Variants in VWF observed in about 807,000 individuals in gnomAD.
VWF encodes Factor VIII related antigen.
In VWF, 176 loss-of-function variants were observed where a neutral mutation model predicts 308.6. That is an observed-to-expected ratio of 0.57 (90% confidence interval 0.50 to 0.65). The LOEUF (loss-of-function observed/expected upper bound fraction) is 0.65, where lower values mean the gene tolerates loss of function less well. VWF is among the 30% of genes least tolerant of loss of function. VWF has a pLI of 0.00. For synonymous variants in VWF, 1,385 were observed against 1,443.4 expected (o/e 0.96, Z 0.92); for missense variants, 3,146 against 3,648.2 (o/e 0.86, Z 3.55).
At chr12:6,101,624 A>C (rs1034918648) in intron 5 of VWF, among the ~76,000 whole-genome samples, 4 of 151,988 alleles carry the variant, frequency 2.6e-5, no homozygotes, top group Admixed American at 2.6e-4. Context: ...AAAATACAAA[A>C]AATTAGCCAG....
intron 4 of VWF, 136 bp from the exon 5 acceptor site, chr12:6,110,718 G>A (rs928760694): frequency 1.0e-5 from 13 of 1,281,418 alleles, no homozygotes; most frequent in South Asian, 6.0e-5. Flanking sequence ...ATCAGCAATC[G>A]GGAGAGCTGG....
chr12:5,954,865 T>C (rs1475953767), intron 47 of VWF, among the ~76,000 whole-genome samples: 1 of 152,142 alleles, frequency 6.6e-6, no homozygotes, highest in Non-Finnish European at 1.5e-5. Context: ...CTACTGGAAC[T>C]TCATAAGGGA....
chr12:6,022,810 C>G lies in VWF; in HGVS notation c.3468G>C (p.Thr1156=), dbSNP rs886395597. 1 of 537,742 alleles carries G rather than the reference C, an allele frequency of 1.9e-6. No individual in the cohort carries two copies. The highest frequency in any genetic ancestry group is 2.8e-5 in the African/African-American group (1 of 35,622). 33.3% of individuals were successfully genotyped at this position (537,742 alleles called of 1,614,324 possible). The part of the protein sequence containing the change: ...YNSCAPACQV[T]CQHPEPLACP... Reference sequence around the variant, plus strand: ...AGGCCAGTGGCTCAGGGTGCTGACACGTGACTTGACAGGCAGGTGCACAGC... The same window carrying G: ...AGGCCAGTGGCTCAGGGTGCTGACAGGTGACTTGACAGGCAGGTGCACAGC... Residue 1156 remains threonine (T), a synonymous_variant, in exon 26 of 52, where the codon ACG becomes ACC. Transcript: ENST00000261405.
intron 20 of VWF, among the ~76,000 whole-genome samples, chr12:6,034,104 T>C (rs1944305002): frequency 6.6e-6 from 1 of 152,172 alleles, no homozygotes; most frequent in South Asian, 2.1e-4. Context: ...GCAGGATGAC[T>C]TTCCTGTGTC....
chr12:6,021,976 C>T lies in VWF; in HGVS notation c.3598G>A (p.Glu1200Lys), dbSNP rs1274965501. The T allele has an allele frequency of 2.5e-6, 4 of 1,614,098 alleles. No homozygotes were observed. The highest frequency in any genetic ancestry group is 2.5e-6 in the Non-Finnish European group (3 of 1,180,052). ...CVDPEDCPVC[E>K]VAGRRFASGK... ...GAGGCAAAACGCCGGCCAGCCACCT[C>T]ACACACTGGACAGTCTTCAGGGTCA... is the stretch of plus-strand genomic sequence containing the variant. The change falls in exon 27 of 52, where the codon GAG (glutamate) becomes AAG (lysine). Residue 1200 changes from glutamate (E) to lysine (K), a missense_variant. Transcript: ENST00000261405.
chr12:6,109,426 G>A (rs2136520693), intron 5 of VWF, among the ~76,000 whole-genome samples: 1 of 152,208 alleles, frequency 6.6e-6, no homozygotes, highest in East Asian at 1.9e-4. Flanking sequence ...TAAAATCAGT[G>A]CTGGAGAAAA....
chr12:5,966,733 A>T (rs553968443), intron 47 of VWF, among the ~76,000 whole-genome samples: 1 of 152,280 alleles, frequency 6.6e-6, no homozygotes, highest in East Asian at 1.9e-4. Context: ...TAGTTCATGC[A>T]TCTAGCTCAC....
chr12:6,121,730 AGACCAGCCTGCCCAACATG>A lies in VWF; in HGVS notation c.56-411_56-393del, dbSNP rs551486930. ...CAGATCACCTGAGGTCAGGAATTCA[AGACCAGCCTGCCCAACATG>A]GCGAAACCCTGTCTCTACTAAAAAT... On this transcript the variant is annotated intron_variant, in intron 2 of 51. Transcript: ENST00000261405. 7.1e-3 allele frequency among the ~76,000 whole-genome samples: 1,086 copies of A among 152,284 alleles called. 15 individuals carry two copies. Among genetic ancestry groups the A allele is most frequent in the African/African-American group, 0.024 (1,007 of 41,554 alleles).
intron 44 of VWF, among the ~76,000 whole-genome samples, chr12:5,970,886 C>A (rs1416829165): frequency 6.6e-6 from 1 of 152,248 alleles, no homozygotes; most frequent in African/African-American, 2.4e-5. Flanking sequence ...TCTGACCAGA[C>A]TGAAAGAACT....
intron 35 of VWF, 134 bp downstream of exon 35, chr12:5,995,867 GT>G: frequency 1.2e-6 from 1 of 802,854 alleles, no homozygotes; most frequent in African/African-American, 1.7e-5. Context: ...TAAGAAAGTG[GT>G]ACTCCTCTCC....
rs1300880638 is a variant in VWF, at chr12:5,980,150, GGAGGGAGT to G, written c.7287+1628_7287+1635del. Among the ~76,000 whole-genome samples, 387 of 78,156 alleles carry G rather than the reference GGAGGGAGT, an allele frequency of 5.0e-3. 7 individuals carry two copies. Among genetic ancestry groups the G allele is most frequent in the African/African-American group, 0.016 (333 of 21,392 alleles). The allele number at this position is 78,156 out of a possible 152,430, so 51.3% of individuals were successfully genotyped here. A position where few individuals can be genotyped will look rare whatever the true frequency, so the allele number is the denominator to read the frequency against. On this transcript the variant is annotated intron_variant, in intron 42 of 51. Coordinates refer to ENST00000261405, the MANE Select transcript of VWF (RefSeq NM_000552.5). ...AGGAAGGAAGGAAGAAAGGAGTGAGGGAGGGAGTGAGGGAGGGAGGGAGGGAGGGAGGG... is the reference window on the plus strand; with the variant it reads ...AGGAAGGAAGGAAGAAAGGAGTGAGGGAGGGAGGGAGGGAGGGAGGGAGGG...
At chr12:6,034,968 T>A in intron 19 of VWF, 142 bp from the exon 20 acceptor site, 1 of 1,042,576 alleles carries the variant, frequency 9.6e-7, no homozygotes, top group African/African-American at 1.6e-5. Flanking sequence ...TGAGGACCTG[T>A]AGCGTGGAGT....
chr12:5,969,986 G>A (rs528877449), intron 44 of VWF, among the ~76,000 whole-genome samples: 45 of 152,274 alleles, frequency 3.0e-4, no homozygotes, highest in South Asian at 1.5e-3. Context: ...CCTCTGTGTC[G>A]GCCAGCACCC....
intron 6 of VWF, among the ~76,000 whole-genome samples, chr12:6,078,637 G>A (rs977494744): frequency 6.6e-6 from 1 of 152,212 alleles, no homozygotes; most frequent in African/African-American, 2.4e-5. Context: ...CACCTGGGCT[G>A]TAGCAGAGTG....
rs1436706585 is a variant in VWF at position 5,971,718 on chromosome 12, G to A, written c.7438-9C>T. The A allele has an allele frequency of 6.2e-7, 1 of 1,613,430 alleles. No individual in the cohort carries two copies. The highest frequency in any genetic ancestry group is 8.5e-7 in the Non-Finnish European group (1 of 1,179,396). On this transcript the variant is annotated splice_polypyrimidine_tract_variant and intron_variant, in intron 43 of 51. Coordinates refer to ENST00000261405, the MANE Select transcript of VWF (RefSeq NM_000552.5). ...AGAACGTAAGTGAAGCCCTGGAAAA[G>A]CAGAAAAAACAGAGTAAGGACAGGC...
At chr12:6,100,455 C>A (rs567966238) in intron 5 of VWF, among the ~76,000 whole-genome samples, 1 of 150,968 alleles carries the variant, frequency 6.6e-6, no homozygotes, top group East Asian at 1.9e-4. Flanking sequence ...GTGTTTATTG[C>A]GGCACTATTC....
intron 10 of VWF, among the ~76,000 whole-genome samples, chr12:6,068,513 G>A (rs9989051): frequency 0.16 from 24,063 of 151,816 alleles, 2,529 homozygotes; most frequent in African/African-American, 0.3. Flanking sequence ...TCTGTTGCCC[G>A]GCGTGGAGTG....
rs758288938 is a variant in VWF, at chr12:6,029,408, G to A, written c.2901C>T (p.Gly967=). The change falls in exon 22 of 52, where the codon GGC becomes GGT. Residue 967 remains glycine (G), a synonymous_variant. Transcript: ENST00000261405. ...ESGRYIILLL[G]KALSVVWDRH... ...GGTCCCAGACCACGGAGAGGGCTTT[G>A]CCCAGCAGCAGAATGATGTACCGGC... The A allele has an allele frequency of 3.1e-6, 5 of 1,614,020 alleles. No individual in the cohort carries two copies. The East Asian group carries it at 6.7e-5, about 22-fold the overall frequency.
Position 6,019,347 on chromosome 12 carries a change from G to A in VWF, c.4071C>T (p.Thr1357=). 1 of 1,613,942 alleles carries A rather than the reference G, an allele frequency of 6.2e-7. No individual in the cohort carries two copies. Among genetic ancestry groups the A allele is most frequent in the South Asian group, 1.1e-5 (1 of 91,068 alleles). The change falls in exon 28 of 52, where the codon ACC becomes ACT. Residue 1357 remains threonine, a synonymous_variant. Transcript: ENST00000261405. This position sits in a 1 kb window ranked among gnomAD's most constrained non-coding sequence, Gnocchi z 5.8. ...ACAGTGTGTATTTCAAGACCTCGCT[G>A]GTGGAGGCCACCTGGCTGCCCGCAT... is the stretch of plus-strand genomic sequence containing the variant. ...VKYAGSQVAS[T]SEVLKYTLFQ...
Sources: gnomAD v4.1 joint callset for allele counts (sites outside exome capture counted in the v4.1 genomes callset) on GRCh38, gnomAD v4.1.1 for gene constraint, Gnocchi (gnomAD v3.1) non-coding constraint, MANE v1.5 for transcripts, NCBI Gene and HGNC (gene_info 2026-07-23, HGNC 2026-07-21) for gene names.